The following IQSEC2 variants were observed in gnomAD, a reference collection of about 807,000 sequenced individuals.
The protein encoded by IQSEC2 is IQ motif and Sec7 domain ArfGEF 2.
A neutral mutation model predicts 74.6 loss-of-function variants in IQSEC2; 6 were observed. The ratio of observed to expected loss-of-function variants is 0.08; its 90% CI spans 0.04 to 0.16. IQSEC2 has a LOEUF of 0.16. Among genes scored for constraint, IQSEC2 ranks in the 10% least tolerant of loss-of-function variants. IQSEC2 has a pLI of 1.00. For synonymous variants in IQSEC2, 494 were observed against 544.5 expected (o/e 0.91, Z 1.29); for missense variants, 734 against 1,306.2 (o/e 0.56, Z 6.75).
chrX:53,274,179 C>T (rs1013708910), intron 2 of IQSEC2, among the ~76,000 whole-genome samples: 19 of 111,395 alleles, frequency 1.7e-4, no homozygotes, highest in Non-Finnish European at 3.6e-4. Flanking sequence ...CTTATGTTTG[C>T]AGTTTGGATT....
chrX:53,281,417 G>C (rs1334473233), intron 2 of IQSEC2: 2 of 542,463 alleles, frequency 3.7e-6, no homozygotes, highest in African/African-American at 4.8e-5. Flanking sequence ...CCAGGAGGCT[G>C]CTGAATCAGT....
In IQSEC2 at chrX:53,235,769, G is replaced by C. The variant is rs949650467; in HGVS notation, c.3501+14C>G. On this transcript the variant is annotated intron_variant, in intron 14 of 14. Coordinates refer to ENST00000642864, the MANE Select transcript of IQSEC2 (RefSeq NM_001111125.3). Reference sequence around the variant, plus strand: ...CTCATGCAGAGGACGAGTGGGGCAGGAGCTGGCACTTACTTCGATGGTGCT... The same window carrying C: ...CTCATGCAGAGGACGAGTGGGGCAGCAGCTGGCACTTACTTCGATGGTGCT... 3.4e-6 allele frequency: 4 copies of C among 1,166,233 alleles called. No homozygotes were observed. The Middle Eastern group carries it at 9.8e-4, about 285-fold the overall frequency.
rs140217098 is a variant in IQSEC2, at chrX:53,271,017, T to C, written c.738-14956A>G. Among the ~76,000 whole-genome samples the C allele has an allele frequency of 3.3e-3, 366 of 110,143 alleles. 1 individual carries two copies. Among genetic ancestry groups the C allele is most frequent in the African/African-American group, 0.012 (350 of 29,944 alleles). On this transcript the variant is annotated intron_variant, in intron 2 of 14. Transcript: ENST00000642864. ...TTTTCATCTTTTCCTATTCAAGAAC[T>C]GTTCATGGCTCTCCAACTGCCTACC...
At chrX:53,229,978 G>T (rs1376117453), downstream of IQSEC2, 1 of 112,375 alleles carries the variant, frequency 8.9e-6, no homozygotes, top group Non-Finnish European at 1.9e-5. Flanking sequence ...GTAACAGGGA[G>T]TGGCTGGGGA....
chrX:53,291,582 G>A (rs1429022782), intron 2 of IQSEC2, among the ~76,000 whole-genome samples: 1 of 111,091 alleles, frequency 9.0e-6, no homozygotes, highest in African/African-American at 3.3e-5. Flanking sequence ...AGGTGGAAAA[G>A]GTCCTTGTCC....
chrX:53,301,915 G>C (rs1399638130), intron 1 of IQSEC2, among the ~76,000 whole-genome samples: 1 of 112,023 alleles, frequency 8.9e-6, no homozygotes, highest in Non-Finnish European at 1.9e-5. Flanking sequence ...TAATAATTCT[G>C]ACTTCAGAGA....
intron 1 of IQSEC2, among the ~76,000 whole-genome samples, chrX:53,303,043 C>T (rs1392097987): frequency 9.1e-6 from 1 of 110,419 alleles, no homozygotes; most frequent in Non-Finnish European, 1.9e-5. Context: ...TCCCTACAAA[C>T]AACCAAAAAA....
At position 53,256,068 on chromosome X, in the gene IQSEC2, G is replaced by A. The variant is rs1556865215; in HGVS notation, c.738-7C>T. The A allele has an allele frequency of 2.6e-6, 3 of 1,158,956 alleles. No individual in the cohort carries two copies. In the African/African-American group the frequency reaches 5.4e-5, roughly 21 times the overall value. ...TGGGGCATCACCCTCCACACTGTGGGGATGAGATAAGATGAGCCAGGATGT... is the reference window on the plus strand; with the variant it reads ...TGGGGCATCACCCTCCACACTGTGGAGATGAGATAAGATGAGCCAGGATGT... On this transcript the variant is annotated splice_region_variant and splice_polypyrimidine_tract_variant and intron_variant, in intron 2 of 14. Coordinates refer to ENST00000642864, the MANE Select transcript of IQSEC2 (RefSeq NM_001111125.3).
At chrX:53,281,541 G>T in intron 2 of IQSEC2, 1 of 1,153,478 alleles carries the variant, frequency 8.7e-7, no homozygotes, top group Non-Finnish European at 1.2e-6. Flanking sequence ...CCTGTCCCAA[G>T]GGCAGGCCCC....
chrX:53,310,399 GCAAA>G (rs782420290), intron 1 of IQSEC2, among the ~76,000 whole-genome samples: 31 of 55,862 alleles, frequency 5.5e-4, no homozygotes, highest in African/African-American at 9.6e-4. Flanking sequence ...AAGCAAGCAA[GCAAA>G]CAAACAAACA....
At chrX:53,306,318 G>A (rs1333923062) in intron 1 of IQSEC2, among the ~76,000 whole-genome samples, 2 of 112,194 alleles carry the variant, frequency 1.8e-5, no homozygotes, top group African/African-American at 3.2e-5. Context: ...GGCACCCAGA[G>A]AGGTGGAGGG....
intron 1 of IQSEC2, among the ~76,000 whole-genome samples, chrX:53,301,277 C>A (rs1256529421): frequency 9.0e-6 from 1 of 111,665 alleles, no homozygotes; most frequent in East Asian, 2.8e-4. Flanking sequence ...CACAGAACAC[C>A]CCCTGCTCCC....
chrX:53,247,288 T>C (rs1194111947), intron 7 of IQSEC2, among the ~76,000 whole-genome samples, 153 bp from the exon 8 acceptor site: 1 of 112,174 alleles, frequency 8.9e-6, no homozygotes, highest in Non-Finnish European at 1.9e-5. Context: ...TAGACCAGCA[T>C]GTAAAAATCA....
chrX:53,267,146 A>T, intron 2 of IQSEC2: 17 of 1,079,830 alleles, frequency 1.6e-5, no homozygotes, highest in Non-Finnish European at 1.9e-5. Flanking sequence ...AGAGCAGGGG[A>T]GATACGCGAA....
At chrX:53,266,242 C>A (rs1467902919) in intron 2 of IQSEC2, 26 of 387,655 alleles carry the variant, frequency 6.7e-5, no homozygotes, top group Non-Finnish European at 8.5e-5. Flanking sequence ...GCCCCTATTC[C>A]CAGCCCTGGA....
intron 2 of IQSEC2, among the ~76,000 whole-genome samples, chrX:53,273,435 A>C (rs1160834571): frequency 1.8e-5 from 2 of 111,734 alleles, no homozygotes; most frequent in Non-Finnish European, 3.8e-5. Flanking sequence ...CACAAGGCCT[A>C]ATCTAAAGCA....
At chrX:53,226,099 C>T (rs1450041560), downstream of IQSEC2, 2 of 112,606 alleles carry the variant, frequency 1.8e-5, no homozygotes, top group African/African-American at 6.5e-5. Flanking sequence ...ACCAAACATC[C>T]GTGTACTTTT....
At chrX:53,247,646 G>A (rs2074327898) in intron 7 of IQSEC2, among the ~76,000 whole-genome samples, 1 of 112,084 alleles carries the variant, frequency 8.9e-6, no homozygotes. Flanking sequence ...ATGGTTAAGG[G>A]CATGGATGGA....
At chrX:53,230,212 A>C (rs2074058528), downstream of IQSEC2, 1 of 112,208 alleles carries the variant, frequency 8.9e-6, no homozygotes, top group African/African-American at 3.2e-5. Flanking sequence ...GACCCCACCC[A>C]CACACCCCAA....
Sources: gnomAD v4.1 joint callset for allele counts (sites outside exome capture counted in the v4.1 genomes callset) on GRCh38, gnomAD v4.1.1 for gene constraint, MANE v1.5 for transcripts, NCBI Gene and HGNC (gene_info 2026-07-23, HGNC 2026-07-21) for gene names.